Variants in FOXP4 observed in about 807,000 individuals in gnomAD.
FOXP4 encodes forkhead box protein P4.
Under a neutral mutation model 82.6 loss-of-function variants are expected in FOXP4, and 25 were observed. That is an observed-to-expected ratio of 0.30 (90% CI 0.22 to 0.42). The LOEUF (loss-of-function observed/expected upper bound fraction) is 0.42. Among genes scored for constraint, FOXP4 ranks in the 10% least tolerant of loss-of-function variants. The pLI, the probability that FOXP4 is intolerant of heterozygous loss-of-function variation, is 1.00. For missense variants in FOXP4, 785 were observed against 900.9 expected (o/e 0.87, Z 1.65); for synonymous variants, 415 against 388.2 (o/e 1.07, Z -0.81).
At chr6:41,571,260 G>T (rs900962033) in intron 2 of FOXP4, among the ~76,000 whole-genome samples, 1 of 152,258 alleles carries the variant, frequency 6.6e-6, no homozygotes, top group African/African-American at 2.4e-5. Context: ...GGTTTTGGCT[G>T]CAGGAGCTGG....
intron 2 of FOXP4, among the ~76,000 whole-genome samples, chr6:41,576,657 C>A (rs79487098): frequency 0.05 from 7,589 of 152,178 alleles, 220 homozygotes; most frequent in Non-Finnish European, 0.056. Flanking sequence ...TAATGAGAGC[C>A]GAAGGGAGTG....
chr6:41,597,668 C>A, intron 15 of FOXP4, 113 bp from the exon 16 acceptor site: 3 of 1,344,386 alleles, frequency 2.2e-6, no homozygotes, highest in Non-Finnish European at 3.0e-6. Context: ...GCCCGTGGGG[C>A]CAGTAGGCAG....
intron 5 of FOXP4, among the ~76,000 whole-genome samples, chr6:41,586,605 G>T (rs1449312219): frequency 6.6e-6 from 1 of 152,246 alleles, no homozygotes; most frequent in Non-Finnish European, 1.5e-5. Flanking sequence ...GGCACCCCGG[G>T]CATGTGGGAA....
intron 1 of FOXP4, among the ~76,000 whole-genome samples, chr6:41,557,770 T>C (rs1300369410): frequency 3.9e-5 from 6 of 152,246 alleles, no homozygotes; most frequent in African/African-American, 1.2e-4. Flanking sequence ...GGTAGGATTA[T>C]GAGTACTCTA....
intron 2 of FOXP4, among the ~76,000 whole-genome samples, chr6:41,569,923 A>G (rs956277007): frequency 6.6e-6 from 1 of 151,218 alleles, no homozygotes; most frequent in Non-Finnish European, 1.5e-5. Flanking sequence ...AGATGGGGGG[A>G]ATGTCAGGCA....
At chr6:41,569,404 T>A (rs1239965416) in intron 2 of FOXP4, among the ~76,000 whole-genome samples, 1 of 152,258 alleles carries the variant, frequency 6.6e-6, no homozygotes, top group Non-Finnish European at 1.5e-5. Context: ...CATTTTACCC[T>A]ATGGGATGGC....
rs563223531 is a variant in FOXP4 at position 41,549,693 on chromosome 6, C to T, written c.-17+2826C>T. 6.4e-5 allele frequency among the ~76,000 whole-genome samples: 9 copies of T among 141,630 alleles called. No homozygotes were observed. The South Asian group carries it at 2.0e-3, about 31-fold the overall frequency. The allele number at this position is 141,630 out of a possible 152,430, so 92.9% of individuals were successfully genotyped here. ...GAAGGCTGGGGTCTGCTGTCTGGAC[C>T]TCAGATTGTTGGGGTAGGAGAGACA... On this transcript the variant is annotated intron_variant, in intron 1 of 16. Transcript: ENST00000307972.
intron 1 of FOXP4, among the ~76,000 whole-genome samples, chr6:41,555,578 A>T (rs1229989197): frequency 6.6e-6 from 1 of 152,332 alleles, no homozygotes; most frequent in African/African-American, 2.4e-5. Flanking sequence ...GCACCACCAG[A>T]ACCAGGCTCC....
At chr6:41,582,776 A>G (rs1325641346) in intron 3 of FOXP4, among the ~76,000 whole-genome samples, 1 of 152,134 alleles carries the variant, frequency 6.6e-6, no homozygotes, top group Non-Finnish European at 1.5e-5. Flanking sequence ...CTTCTAGGAT[A>G]CAACCGTAGA....
Position 41,580,178 on chromosome 6 carries a change from A to T in FOXP4, c.300+2097A>T, listed in dbSNP as rs7752819. Among the ~76,000 whole-genome samples the T allele has an allele frequency of 4.3e-3, 647 of 151,766 alleles. 4 individuals are homozygous for T. Among genetic ancestry groups the T allele is most frequent in the African/African-American group, 0.015 (609 of 41,330 alleles). On this transcript the variant is annotated intron_variant, in intron 3 of 16. Transcript: ENST00000307972. ...TGCCTCAGTCTCCCAAGTAGCTGGG[A>T]TTACAGGCATGCACCACCAAGCCCA...
At chr6:41,598,207 C>T (rs1330479777) in intron 16 of FOXP4, among the ~76,000 whole-genome samples, 1 of 150,066 alleles carries the variant, frequency 6.7e-6, no homozygotes, top group Non-Finnish European at 1.5e-5. Context: ...TTTCCTCCTC[C>T]TCTCTTCTCT....
At chr6:41,565,587 C>T (rs1764827311) in intron 1 of FOXP4, among the ~76,000 whole-genome samples, 158 bp from the exon 2 acceptor site, 1 of 152,142 alleles carries the variant, frequency 6.6e-6, no homozygotes, top group South Asian at 2.1e-4. Context: ...GGAGGAGCCA[C>T]ATTCCATCAG....
chr6:41,585,389 T>G (rs1398958800), intron 4 of FOXP4, 42 bp from the exon 5 acceptor site: 2 of 1,600,236 alleles, frequency 1.2e-6, no homozygotes. Context: ...GTTGTGGGGA[T>G]AGCAGTACCC....
Position 41,583,021 on chromosome 6 carries a change from A to AAAC in FOXP4, c.301-1733_301-1731dup, listed in dbSNP as rs200694532. ...CCTCATTGGTAAAAATGAGGTTAAA[A>AAAC]AACAACAACAACAACAAAGAACAAA... On this transcript the variant is annotated intron_variant, in intron 3 of 16. Transcript: ENST00000307972. Among the ~76,000 whole-genome samples the AAAC allele has an allele frequency of 9.1e-3, 1,378 of 152,244 alleles. 16 individuals carry two copies. The highest frequency in any genetic ancestry group is 0.025 in the African/African-American group (1,042 of 41,516).
At chr6:41,573,626 A>G (rs1287647384) in intron 2 of FOXP4, among the ~76,000 whole-genome samples, 3 of 152,186 alleles carry the variant, frequency 2.0e-5, no homozygotes, top group Non-Finnish European at 2.9e-5. Flanking sequence ...TGAAAGATCA[A>G]TCATCATAAT....
At position 41,593,660 on chromosome 6, in the gene FOXP4, T is replaced by G. The variant is rs1173401038; in HGVS notation, c.1537-1210T>G. Among the ~76,000 whole-genome samples the G allele has an allele frequency of 6.6e-6, 1 of 152,190 alleles. No homozygotes were observed. The highest frequency in any genetic ancestry group is 2.4e-5 in the African/African-American group (1 of 41,434). ...TCCGAGGCAGGAGCCCCGGCGTGAT[T>G]AGGCCCTTTGTAATTATCGCTCCAA... On this transcript the variant is annotated intron_variant, in intron 13 of 16. Transcript: ENST00000307972. The surrounding 1 kb of genome is among the most constrained non-coding windows in gnomAD (Gnocchi z 4.1).
intron 1 of FOXP4, among the ~76,000 whole-genome samples, chr6:41,556,218 G>C (rs535531928): frequency 9.9e-5 from 15 of 152,062 alleles, no homozygotes; most frequent in Non-Finnish European, 1.8e-4. Context: ...TCAAGTCTTT[G>C]GCATCTTTGA....
At chr6:41,553,089 G>C (rs1006009623) in intron 1 of FOXP4, among the ~76,000 whole-genome samples, 1 of 152,052 alleles carries the variant, frequency 6.6e-6, no homozygotes, top group African/African-American at 2.4e-5. Context: ...CAAGGGCATC[G>C]GGAGCCTACT....
intron 15 of FOXP4, 39 bp from the exon 16 acceptor site, chr6:41,597,742 G>A (rs1319659362): frequency 1.9e-6 from 3 of 1,591,972 alleles, no homozygotes; most frequent in Admixed American, 3.4e-5. Flanking sequence ...GCCCCATCCT[G>A]TGGAGCCACT....
Sources: allele counts gnomAD v4.1 joint callset (sites outside exome capture counted in the v4.1 genomes callset), GRCh38; gene constraint gnomAD v4.1.1; non-coding constraint Gnocchi (gnomAD v3.1); transcripts MANE v1.5; gene names NCBI Gene and HGNC (gene_info 2026-07-23, HGNC 2026-07-21).